The following ENPP6 variants were observed in gnomAD, a reference collection of about 807,000 sequenced individuals.
ENPP6 encodes ectonucleotide pyrophosphatase/phosphodiesterase 6, also known as glycerophosphocholine cholinephosphodiesterase ENPP6.
Under a neutral mutation model 42.0 loss-of-function variants are expected in ENPP6, and 32 were observed. The observed-to-expected ratio is 0.76, with a 90% confidence interval of 0.58 to 1.02. The LOEUF (loss-of-function observed/expected upper bound fraction) is 1.02, where lower values mean the gene tolerates loss of function less well. Among genes scored for constraint, ENPP6 ranks in the 50% least tolerant of loss-of-function variants. ENPP6 has a pLI of 0.00. For synonymous variants in ENPP6, 213 were observed against 216.0 expected (o/e 0.99, Z 0.12); for missense variants, 552 against 566.8 (o/e 0.97, Z 0.27).
intron 1 of ENPP6, among the ~76,000 whole-genome samples, chr4:184,175,954 CT>C (rs35302221): frequency 0.091 from 13,608 of 149,900 alleles, 705 homozygotes; most frequent in South Asian, 0.16. Context: ...CAAAATAATC[CT>C]TTTTTTTTTC....
chr4:184,191,265 C>T (rs1416583886), intron 1 of ENPP6, among the ~76,000 whole-genome samples: 1 of 152,204 alleles, frequency 6.6e-6, no homozygotes, highest in Non-Finnish European at 1.5e-5. Flanking sequence ...ATCTCAGAGC[C>T]TTGGTTTCCT....
intron 6 of ENPP6, among the ~76,000 whole-genome samples, chr4:184,109,951 A>G (rs1736172086): frequency 6.6e-6 from 1 of 152,198 alleles, no homozygotes; most frequent in Non-Finnish European, 1.5e-5. Flanking sequence ...GGGAGCAGGT[A>G]CTTGGATCCA....
chr4:184,170,445 G>GAA lies in ENPP6; in HGVS notation c.242-16714_242-16713dup, dbSNP rs35346469. 3.6e-3 allele frequency among the ~76,000 whole-genome samples: 510 copies of GAA among 143,506 alleles called. 7 individuals are homozygous for GAA. The highest frequency in any genetic ancestry group is 0.016 in the South Asian group (75 of 4,568). 94.1% of individuals were successfully genotyped at this position (143,506 alleles called of 152,430 possible). A position where few individuals can be genotyped will look rare whatever the true frequency, so the allele number is the denominator to read the frequency against. On this transcript the variant is annotated intron_variant, in intron 1 of 7. Coordinates refer to ENST00000296741, the MANE Select transcript of ENPP6 (RefSeq NM_153343.4). ...ACTCTGTCTCAAAAAAGAAAAGAAG[G>GAA]AAAAAAAAAAAAAGAATCAGCATTC...
intron 1 of ENPP6, among the ~76,000 whole-genome samples, chr4:184,162,584 G>GAAGGAAGGAAGGAAGT (rs1477735148): frequency 2.0e-5 from 3 of 151,824 alleles, no homozygotes; most frequent in African/African-American, 7.3e-5. Context: ...AGAAAGGAAG[G>GAAGGAAGGAAGGAAGT]AAGAGAGGGA....
intron 2 of ENPP6, among the ~76,000 whole-genome samples, chr4:184,147,643 G>A (rs183006163): frequency 5.3e-4 from 81 of 151,746 alleles, no homozygotes; most frequent in Non-Finnish European, 5.0e-4. Flanking sequence ...TCTACAAAAC[G>A]TAAAAAACTT....
intron 2 of ENPP6, among the ~76,000 whole-genome samples, chr4:184,152,869 T>C (rs1468134473): frequency 6.6e-6 from 1 of 152,106 alleles, no homozygotes; most frequent in African/African-American, 2.4e-5. Flanking sequence ...TAGCGAGTGC[T>C]TTCAATTCTC....
chr4:184,130,177 TC>T (rs1736571321), intron 2 of ENPP6, among the ~76,000 whole-genome samples: 1 of 152,096 alleles, frequency 6.6e-6, no homozygotes, highest in Non-Finnish European at 1.5e-5. Context: ...GAGGGCAGGA[TC>T]CCTGGGTCTG....
intron 1 of ENPP6, among the ~76,000 whole-genome samples, chr4:184,194,122 G>GT (rs574302472): frequency 6.5e-4 from 99 of 152,098 alleles, no homozygotes; most frequent in African/African-American, 2.1e-3. Flanking sequence ...TACCATCATG[G>GT]TCCCTCATCT....
intron 6 of ENPP6, 96 bp downstream of exon 6, chr4:184,112,576 T>C (rs1328010472): frequency 9.7e-6 from 14 of 1,437,498 alleles, no homozygotes; most frequent in Non-Finnish European, 1.3e-5. Flanking sequence ...AGTGAAAAAA[T>C]CTTTTATGTA....
chr4:184,118,956 C>A (rs1434109410), intron 3 of ENPP6, among the ~76,000 whole-genome samples: 1 of 152,204 alleles, frequency 6.6e-6, no homozygotes, highest in Non-Finnish European at 1.5e-5. Context: ...GTCCTGATTT[C>A]TTTGCCATGT....
rs755742310 is a variant in ENPP6, at chr4:184,089,893, C to T, written c.*1284G>A. On this transcript the variant is annotated 3_prime_UTR_variant, in exon 8 of 8. Transcript: ENST00000296741. ...AGTTATTTCTTGTGTTACAATTTCT[C>T]CTATAGCAAACACAGATGACTAAGC... The T allele has an allele frequency of 6.6e-6, 1 of 152,156 alleles. No individual in the cohort carries two copies. The highest frequency in any genetic ancestry group is 1.5e-5 in the Non-Finnish European group (1 of 68,030). The allele number at this position is 152,156 out of a possible 1,614,324, so 9.4% of individuals were successfully genotyped here.
intron 1 of ENPP6, among the ~76,000 whole-genome samples, chr4:184,181,538 G>C (rs1397623860): frequency 1.3e-5 from 2 of 152,100 alleles, no homozygotes; most frequent in Non-Finnish European, 2.9e-5. Context: ...AACCAAAAAA[G>C]AGCCTGAATA....
intron 1 of ENPP6, among the ~76,000 whole-genome samples, chr4:184,205,850 G>GACA (rs1732987482): frequency 6.6e-6 from 1 of 152,196 alleles, no homozygotes; most frequent in Admixed American, 6.5e-5. Context: ...AGGGAGATCA[G>GACA]GAGGAACCAA....
At chr4:184,173,153 C>T (rs1210567757) in intron 1 of ENPP6, among the ~76,000 whole-genome samples, 8 of 152,134 alleles carry the variant, frequency 5.3e-5, no homozygotes, top group African/African-American at 1.4e-4. Flanking sequence ...GATCCACCCC[C>T]CTCAGCCTCC....
chr4:184,138,939 G>A (rs895320967), intron 2 of ENPP6, among the ~76,000 whole-genome samples: 10 of 152,348 alleles, frequency 6.6e-5, no homozygotes, highest in African/African-American at 1.4e-4. Context: ...TCCTAATTAC[G>A]ATCTACTAAG....
chr4:184,090,781 A>C lies in ENPP6; in HGVS notation c.*396T>G. 2.7e-6 allele frequency: 1 copy of C among 364,650 alleles called. No individual in the cohort carries two copies. Among genetic ancestry groups the C allele is most frequent in the Non-Finnish European group, 4.9e-6 (1 of 203,586 alleles). The allele number at this position is 364,650 out of a possible 1,614,324, so 22.6% of individuals were successfully genotyped here. On this transcript the variant is annotated 3_prime_UTR_variant, in exon 8 of 8. Coordinates refer to ENST00000296741, the MANE Select transcript of ENPP6 (RefSeq NM_153343.4). ...CCTGGGTGTGGACAGGGCACAGACAAGGGCCTGGTCTGAGGGGGTCCTTTG... is the reference window on the plus strand; with the variant it reads ...CCTGGGTGTGGACAGGGCACAGACACGGGCCTGGTCTGAGGGGGTCCTTTG...
chr4:184,205,986 C>T (rs989931616), intron 1 of ENPP6, among the ~76,000 whole-genome samples: 1 of 152,138 alleles, frequency 6.6e-6, no homozygotes, highest in African/African-American at 2.4e-5. Flanking sequence ...ATGACCAGGA[C>T]GCCCGGGAGG....
intron 1 of ENPP6, among the ~76,000 whole-genome samples, chr4:184,168,551 G>C (rs1476156658): frequency 3.3e-5 from 5 of 152,254 alleles, no homozygotes; most frequent in African/African-American, 1.2e-4. Context: ...GCTCCGGACA[G>C]CAAGGAGCGA....
chr4:184,149,721 C>T (rs4861603), intron 2 of ENPP6, among the ~76,000 whole-genome samples: 66,809 of 152,182 alleles, frequency 0.44, 15,490 homozygotes, highest in Non-Finnish European at 0.51. Flanking sequence ...TAAGCACAGA[C>T]TCTTAAAAGG....
Sources: allele counts gnomAD v4.1 joint callset (sites outside exome capture counted in the v4.1 genomes callset), GRCh38; gene constraint gnomAD v4.1.1; transcripts MANE v1.5; gene names NCBI Gene and HGNC (gene_info 2026-07-23, HGNC 2026-07-21).